PTPN12: variants seen among roughly 807,000 people sequenced by gnomAD.
PTPN12 encodes the protein tyrosine-protein phosphatase non-receptor type 12.
Under a neutral mutation model 97.6 loss-of-function variants are expected in PTPN12, and 29 were observed. That is an observed-to-expected ratio of 0.30 (90% CI 0.22 to 0.41). The LOEUF (loss-of-function observed/expected upper bound fraction) is 0.41. PTPN12 is among the 10% of genes least tolerant of loss of function. The pLI is 1.00. For synonymous variants in PTPN12, 327 were observed against 300.4 expected (o/e 1.09, Z -0.91); for missense variants, 819 against 926.0 (o/e 0.88, Z 1.50).
At chr7:77,628,130 T>C (rs1053249279) in intron 13 of PTPN12, among the ~76,000 whole-genome samples, 1 of 152,224 alleles carries the variant, frequency 6.6e-6, no homozygotes, top group African/African-American at 2.4e-5. Flanking sequence ...TTACATTTTT[T>C]TGTTTGTTTG....
intron 1 of PTPN12, among the ~76,000 whole-genome samples, chr7:77,547,220 T>G (rs1384080639): frequency 6.6e-6 from 1 of 152,196 alleles, no homozygotes; most frequent in Non-Finnish European, 1.5e-5. Context: ...GATACCTGAG[T>G]GCCCACTATG....
At chr7:77,547,510 A>G (rs1044467555) in intron 1 of PTPN12, among the ~76,000 whole-genome samples, 3 of 152,184 alleles carry the variant, frequency 2.0e-5, no homozygotes, top group Admixed American at 6.5e-5. Flanking sequence ...ACAGTCATTA[A>G]TTTCTATCCT....
chr7:77,632,654 A>G (rs991781137), intron 14 of PTPN12, among the ~76,000 whole-genome samples: 25 of 152,192 alleles, frequency 1.6e-4, no homozygotes, highest in Admixed American at 9.8e-4. Context: ...TCAGAATTCA[A>G]TTCATTTAAA....
chr7:77,546,510 A>G (rs1313444322), intron 1 of PTPN12, among the ~76,000 whole-genome samples: 1 of 152,222 alleles, frequency 6.6e-6, no homozygotes, highest in African/African-American at 2.4e-5. Flanking sequence ...AACCTTGACA[A>G]TTATCTCCTT....
At chr7:77,621,246 C>G (rs1367117891) in intron 12 of PTPN12, among the ~76,000 whole-genome samples, 3 of 152,066 alleles carry the variant, frequency 2.0e-5, no homozygotes, top group African/African-American at 7.2e-5. Flanking sequence ...AGGTATCGGG[C>G]AGAAACACAC....
chr7:77,559,028 A>G (rs1008461947), intron 1 of PTPN12, among the ~76,000 whole-genome samples: 6 of 152,168 alleles, frequency 3.9e-5, no homozygotes, highest in Admixed American at 3.9e-4. Flanking sequence ...AAACAAAAAT[A>G]AAAAATAATA....
Position 77,609,655 on chromosome 7 carries a change from C to T in PTPN12, c.763-1110C>T, listed in dbSNP as rs537052059. On this transcript the variant is annotated intron_variant, in intron 9 of 17. Transcript: ENST00000248594. ...CAGCACTTCGGGAAGCCGAGGCGGG[C>T]GGATCACGAGGTCAGCAGATTGAGA... 1.5e-3 allele frequency among the ~76,000 whole-genome samples: 232 copies of T among 151,646 alleles called. 2 individuals are homozygous for T. The highest frequency in any genetic ancestry group is 6.2e-3 in the East Asian group (31 of 5,028).
chr7:77,591,823 A>G lies in PTPN12; in HGVS notation c.421-362A>G, dbSNP rs946812571. Among the ~76,000 whole-genome samples the G allele has an allele frequency of 5.3e-5, 8 of 152,252 alleles. No homozygotes were observed. In the South Asian group the frequency reaches 1.4e-3, roughly 28 times the overall value. ...TATTTGTAGAGATTGTCATGTTACA[A>G]GCAATACAACTTACCTAGCAACCTT... On this transcript the variant is annotated intron_variant, in intron 5 of 17. Transcript: ENST00000248594.
rs1789196823 is a variant in PTPN12 at position 77,626,692 on chromosome 7, G to A, written c.1026-13G>A. 1 of 1,577,680 alleles carries A rather than the reference G, an allele frequency of 6.3e-7. No homozygotes were observed. Among genetic ancestry groups the A allele is most frequent in the African/African-American group, 1.4e-5 (1 of 73,686 alleles). ...CAGTCTTAAAATGCCCTTTTTAAAT[G>A]TTTGTTTTTCAGTTGCCTTGTTGAA... On this transcript the variant is annotated splice_polypyrimidine_tract_variant and intron_variant, in intron 12 of 17. Transcript: ENST00000248594.
chr7:77,611,505 C>T (rs1788568544), intron 11 of PTPN12, among the ~76,000 whole-genome samples: 1 of 152,164 alleles, frequency 6.6e-6, no homozygotes, highest in Non-Finnish European at 1.5e-5. Context: ...AGTGCAATGG[C>T]ACAGTCTCAG....
chr7:77,598,019 G>A, intron 7 of PTPN12, 118 bp downstream of exon 7: 1 of 1,355,856 alleles, frequency 7.4e-7, no homozygotes, highest in African/African-American at 1.5e-5. Flanking sequence ...CTTGAGTCCA[G>A]GGGTTCAAGA....
chr7:77,542,763 C>G (rs1053421817), intron 1 of PTPN12, among the ~76,000 whole-genome samples: 2 of 151,916 alleles, frequency 1.3e-5, no homozygotes. Context: ...GAGGAAGTTT[C>G]AGGGGGAGAA....
chr7:77,578,998 G>A (rs1033592464), intron 2 of PTPN12, among the ~76,000 whole-genome samples: 3 of 152,086 alleles, frequency 2.0e-5, no homozygotes, highest in African/African-American at 7.2e-5. Flanking sequence ...GATGTGTTGT[G>A]CTGAGAAGGA....
At chr7:77,610,292 A>G (rs1788526481) in intron 9 of PTPN12, among the ~76,000 whole-genome samples, 1 of 152,224 alleles carries the variant, frequency 6.6e-6, no homozygotes, top group African/African-American at 2.4e-5. Context: ...TCTCTTTATT[A>G]TGTTCACAGT....
At chr7:77,604,209 C>CTTTTTTTTTTTTT (rs71082768) in intron 8 of PTPN12, among the ~76,000 whole-genome samples, 10 of 52,802 alleles carry the variant, frequency 1.9e-4, no homozygotes, top group African/African-American at 3.5e-4. Flanking sequence ...TTTTTTCTTC[C>CTTTTTTTTTTTTT]TTTTTTTTTT....
chr7:77,571,043 CTCTAAACTTTA>C, intron 1 of PTPN12, 24 bp from the exon 2 acceptor site: 1 of 1,401,378 alleles, frequency 7.1e-7, no homozygotes, highest in East Asian at 2.6e-5. Flanking sequence ...ATCACTGTTT[CTCTAAACTTTA>C]ATTTTTATTT....
chr7:77,625,524 ACTCTCACT>A (rs1554326682), intron 12 of PTPN12, among the ~76,000 whole-genome samples: 336 of 17,026 alleles, frequency 0.02, 105 homozygotes, highest in Middle Eastern at 0.15. Context: ...TCTCTCTCTC[ACTCTCACT>A]CTCACTCGCG....
chr7:77,540,331 A>T (rs1259250149), intron 1 of PTPN12, among the ~76,000 whole-genome samples: 1 of 149,150 alleles, frequency 6.7e-6, no homozygotes, highest in African/African-American at 2.5e-5. Context: ...TCCACCTCCC[A>T]GGTTCAAGCG....
At position 77,557,626 on chromosome 7, in the gene PTPN12, A is replaced by C. The variant is rs551928874; in HGVS notation, c.100-13452A>C. On this transcript the variant is annotated intron_variant, in intron 1 of 17. Coordinates refer to ENST00000248594, the MANE Select transcript of PTPN12 (RefSeq NM_002835.4). ...GGCATTAGATACATTCACACTGTGC[A>C]ATTAGGACTCTTAAAAGGAAAAAGT... is the stretch of plus-strand genomic sequence containing the variant. Among the ~76,000 whole-genome samples, 12 of 152,324 alleles carry C rather than the reference A, an allele frequency of 7.9e-5. No homozygotes were observed. The East Asian group carries it at 2.3e-3, about 29-fold the overall frequency.
Sources: gnomAD v4.1 joint callset for allele counts (sites outside exome capture counted in the v4.1 genomes callset) on GRCh38, gnomAD v4.1.1 for gene constraint, MANE v1.5 for transcripts, NCBI Gene and HGNC (gene_info 2026-07-23, HGNC 2026-07-21) for gene names.